The following CLEC11A variants were observed in gnomAD, a reference collection of about 807,000 sequenced individuals.
CLEC11A encodes C-type lectin domain family 11 member A.
A neutral mutation model predicts 33.9 loss-of-function variants in CLEC11A; 35 were observed. The observed-to-expected ratio is 1.03, with a 90% CI of 0.79 to 1.37. CLEC11A has a LOEUF of 1.37. Among genes scored for constraint, CLEC11A ranks in the 40% most tolerant of loss-of-function variants. The probability of loss-of-function intolerance (pLI) is 0.00; values close to 1 mark genes in which losing one functional copy is unlikely to be tolerated. For synonymous variants in CLEC11A, 220 were observed against 202.2 expected, an observed-to-expected ratio of 1.09 and a Z score of -0.75; for missense variants, 519 against 455.5, an observed-to-expected ratio of 1.14 and a Z score of -1.27.
Position 50,723,836 on chromosome 19 carries a change from T to C in CLEC11A, c.148-69T>C. The C allele has an allele frequency of 6.4e-7, 1 of 1,556,166 alleles. No individual in the cohort carries two copies. The highest frequency in any genetic ancestry group is 1.2e-5 in the South Asian group (1 of 83,176). On this transcript the variant is annotated intron_variant, in intron 1 of 3. Coordinates refer to ENST00000250340, the MANE Select transcript of CLEC11A (RefSeq NM_002975.3). This position sits in a 1 kb window ranked among gnomAD's most constrained non-coding sequence, Gnocchi z 4.1. ...GACTCAGGCAGCAGAGAATGAGTTA[T>C]GAGTTGGAAAGGGGTGAATGGGGCA...
In CLEC11A at chr19:50,724,486, C is replaced by G. The variant is rs748370323; in HGVS notation, c.411C>G (p.Val137=). 1.9e-5 allele frequency: 30 copies of G among 1,577,320 alleles called. No homozygotes were observed. Among genetic ancestry groups the G allele is most frequent in the Middle Eastern group, 2.1e-4 (1 of 4,832 alleles). ...VRLHALDTRV[V]ELTQGLRQLR... is the part of the protein sequence containing the mutation. ...TGCACGCGTTGGACACCCGCGTGGT[C>G]GAGCTGACCCAGGGGCTGCGGCAGC... Residue 137 remains valine (V), a synonymous_variant, in exon 3 of 4, where the codon GTC becomes GTG. Transcript: ENST00000250340. This position sits in a 1 kb window ranked among gnomAD's most constrained non-coding sequence, Gnocchi z 4.1.
At position 50,724,377 on chromosome 19, in the gene CLEC11A, T is replaced by A; in HGVS notation, c.335-33T>A. 3 of 1,438,006 alleles carry A rather than the reference T, an allele frequency of 2.1e-6. No homozygotes were observed. Among genetic ancestry groups the A allele is most frequent in the Non-Finnish European group, 2.7e-6 (3 of 1,102,850 alleles). The allele number at this position is 1,438,006 out of a possible 1,614,324, so 89.1% of individuals were successfully genotyped here. On this transcript the variant is annotated intron_variant, in intron 2 of 3. Coordinates refer to ENST00000250340, the MANE Select transcript of CLEC11A (RefSeq NM_002975.3). This position sits in a 1 kb window ranked among gnomAD's most constrained non-coding sequence, Gnocchi z 4.1. ...CAGGCCCCCCGCTGCATCTCCAGGC[T>A]CCCCCTCCAGCATGATCCCTGTCTG...
Position 50,723,442 on chromosome 19 carries a change from G to A in CLEC11A, c.-84G>A. Reference sequence around the variant, plus strand: ...GGCTAGTGACCTGCACACAGGGCAGGGGCACTCGGCAGTTCCCAGAGGCCA... The same window carrying A: ...GGCTAGTGACCTGCACACAGGGCAGAGGCACTCGGCAGTTCCCAGAGGCCA... On this transcript the variant is annotated 5_prime_UTR_variant, in exon 1 of 4. Transcript: ENST00000250340. This position sits in a 1 kb window ranked among gnomAD's most constrained non-coding sequence, Gnocchi z 4.1. 1 of 1,473,088 alleles carries A rather than the reference G, an allele frequency of 6.8e-7. No individual in the cohort carries two copies. Among genetic ancestry groups the A allele is most frequent in the South Asian group, 1.2e-5 (1 of 86,144 alleles). The allele number at this position is 1,473,088 out of a possible 1,614,324, so 91.3% of individuals were successfully genotyped here. A position where few individuals can be genotyped will look rare whatever the true frequency, so the allele number is the denominator to read the frequency against.
chr19:50,724,258 C>A lies in CLEC11A; in HGVS notation c.335-152C>A. 8.0e-7 allele frequency: 1 copy of A among 1,255,344 alleles called. No homozygotes were observed. The highest frequency in any genetic ancestry group is 1.1e-6 in the Non-Finnish European group (1 of 925,146). 77.8% of individuals were successfully genotyped at this position (1,255,344 alleles called of 1,614,324 possible). On this transcript the variant is annotated intron_variant, in intron 2 of 3. Transcript: ENST00000250340. This position sits in a 1 kb window ranked among gnomAD's most constrained non-coding sequence, Gnocchi z 4.1. ...GTCCACGGCCATGCCTCCTAAAGGC[C>A]TGGGCCACTCGACCCTACCTTCCAG...
chr19:50,725,432 C>T lies in CLEC11A; in HGVS notation c.937C>T (p.Arg313Trp). 6.2e-7 allele frequency: 1 copy of T among 1,609,980 alleles called. No homozygotes were observed. The highest frequency in any genetic ancestry group is 8.5e-7 in the Non-Finnish European group (1 of 1,178,438). ...DGSWWDHDCQ[R>W]RLYYVCEFPF ...CTCCTGGTGGGACCACGACTGCCAG[C>T]GGCGTCTCTACTACGTCTGCGAGTT... The change falls in exon 4 of 4, where the codon CGG (arginine) becomes TGG (tryptophan). Residue 313 changes from arginine to tryptophan, a missense_variant. Physicochemically the swap from Arg to Trp is moderately radical, Grantham distance 101. Transcript: ENST00000250340.
chr19:50,724,591 C>T lies in CLEC11A; in HGVS notation c.516C>T (p.Gly172=), dbSNP rs894459307. The change falls in exon 3 of 4, where the codon GGC becomes GGT. Residue 172 remains glycine (G), a synonymous_variant. Coordinates refer to ENST00000250340, the MANE Select transcript of CLEC11A (RefSeq NM_002975.3). This position sits in a 1 kb window ranked among gnomAD's most constrained non-coding sequence, Gnocchi z 4.1. ...AGGGTCGCGCCGAGCGCGAGCACGG[C>T]CGCTTGGAGGGTGAGTCCGCGGCGC... ...EAQGRAEREH[G]RLEGCLKGLR... The T allele has an allele frequency of 3.3e-5, 47 of 1,416,892 alleles. No individual in the cohort carries two copies. Among genetic ancestry groups the T allele is most frequent in the Non-Finnish European group, 4.1e-5 (45 of 1,089,880 alleles). The allele number at this position is 1,416,892 out of a possible 1,614,324, so 87.8% of individuals were successfully genotyped here. A position where few individuals can be genotyped will look rare whatever the true frequency, so the allele number is the denominator to read the frequency against.
Position 50,724,479 on chromosome 19 carries a change from G to A in CLEC11A, c.404G>A (p.Arg135His), listed in dbSNP as rs755068117. ...LHVRLHALDTRVVELTQGLRQ... is the reference protein window; with the variant it reads ...LHVRLHALDTHVVELTQGLRQ... ...GTCCGTCTGCACGCGTTGGACACCCGCGTGGTCGAGCTGACCCAGGGGCTG... is the reference window on the plus strand; with the variant it reads ...GTCCGTCTGCACGCGTTGGACACCCACGTGGTCGAGCTGACCCAGGGGCTG... Residue 135 changes from arginine to histidine, a missense_variant, in exon 3 of 4, where the codon CGC becomes CAC. Coordinates refer to ENST00000250340, the MANE Select transcript of CLEC11A (RefSeq NM_002975.3). The surrounding 1 kb of genome is among the most constrained non-coding windows in gnomAD (Gnocchi z 4.1). 3 of 1,578,176 alleles carry A rather than the reference G, an allele frequency of 1.9e-6. No individual in the cohort carries two copies. The highest frequency in any genetic ancestry group is 8.5e-7 in the Non-Finnish European group (1 of 1,169,768).
Position 50,724,536 on chromosome 19 carries a change from G to A in CLEC11A, c.461G>A (p.Arg154His), listed in dbSNP as rs1200937554. 1.3e-6 allele frequency: 2 copies of A among 1,534,250 alleles called. No individual in the cohort carries two copies. The highest frequency in any genetic ancestry group is 3.9e-5 in the Admixed American group (2 of 51,736). Reference protein sequence around the residue: ...RQLRNAAGDTRDAVQALQEAQ... With the variant: ...RQLRNAAGDTHDAVQALQEAQ... ...CTGCGGAACGCGGCAGGCGACACCC[G>A]CGATGCCGTGCAAGCCCTGCAGGAG... Residue 154 changes from arginine to histidine, a missense_variant, in exon 3 of 4, where the codon CGC becomes CAC. Physicochemically the swap from Arg to His is conservative, Grantham distance 29 (BLOSUM62 0). Coordinates refer to ENST00000250340, the MANE Select transcript of CLEC11A (RefSeq NM_002975.3). The surrounding 1 kb of genome is among the most constrained non-coding windows in gnomAD (Gnocchi z 4.1).
Position 50,725,011 on chromosome 19 carries a change from C to A in CLEC11A, c.527-11C>A. On this transcript the variant is annotated splice_polypyrimidine_tract_variant and intron_variant, in intron 3 of 3. Transcript: ENST00000250340. ...GACCCCGCCTCCTTCTCTACCCGGC[C>A]CCGCCCACAGGCTGCCTGAAGGGGC... 6.8e-7 allele frequency: 1 copy of A among 1,464,794 alleles called. No individual in the cohort carries two copies. Among genetic ancestry groups the A allele is most frequent in the Non-Finnish European group, 9.0e-7 (1 of 1,112,102 alleles). 90.7% of individuals were successfully genotyped at this position (1,464,794 alleles called of 1,614,324 possible).
In CLEC11A at chr19:50,725,047, C is replaced by G. The variant is rs1290396852; in HGVS notation, c.552C>G (p.Gly184=). 2 of 1,510,382 alleles carry G rather than the reference C, an allele frequency of 1.3e-6. No individual in the cohort carries two copies. Among genetic ancestry groups the G allele is most frequent in the Admixed American group, 4.5e-5 (2 of 44,110 alleles). The allele number at this position is 1,510,382 out of a possible 1,614,324, so 93.6% of individuals were successfully genotyped here. Reference sequence around the variant, plus strand: ...GCTGCCTGAAGGGGCTGCGCCTGGGCCACAAGTGCTTCCTGCTCTCGCGCG... The same window carrying G: ...GCTGCCTGAAGGGGCTGCGCCTGGGGCACAAGTGCTTCCTGCTCTCGCGCG... ...LEGCLKGLRL[G]HKCFLLSRDF... Residue 184 remains glycine, a synonymous_variant, in exon 4 of 4, where the codon GGC becomes GGG. Coordinates refer to ENST00000250340, the MANE Select transcript of CLEC11A (RefSeq NM_002975.3).
rs2089167385 is a variant in CLEC11A at position 50,724,477 on chromosome 19, C to A, written c.402C>A (p.Thr134=). 2 of 1,579,024 alleles carry A rather than the reference C, an allele frequency of 1.3e-6. No homozygotes were observed. Among genetic ancestry groups the A allele is most frequent in the East Asian group, 2.3e-5 (1 of 43,172 alleles). Residue 134 remains threonine, a synonymous_variant, in exon 3 of 4, where the codon ACC becomes ACA. Transcript: ENST00000250340. This position sits in a 1 kb window ranked among gnomAD's most constrained non-coding sequence, Gnocchi z 4.1. ...ACGTCCGTCTGCACGCGTTGGACAC[C>A]CGCGTGGTCGAGCTGACCCAGGGGC... ...QLHVRLHALD[T]RVVELTQGLR...
In CLEC11A at chr19:50,724,937, T is replaced by TC; in HGVS notation, c.527-83dup. 2.0e-6 allele frequency: 2 copies of TC among 1,023,862 alleles called. No individual in the cohort carries two copies. Among genetic ancestry groups the TC allele is most frequent in the South Asian group, 2.7e-5 (1 of 37,652 alleles). The allele number at this position is 1,023,862 out of a possible 1,614,324, so 63.4% of individuals were successfully genotyped here. A position where few individuals can be genotyped will look rare whatever the true frequency, so the allele number is the denominator to read the frequency against. On this transcript the variant is annotated intron_variant, in intron 3 of 3. Transcript: ENST00000250340. This position sits in a 1 kb window ranked among gnomAD's most constrained non-coding sequence, Gnocchi z 4.1. The stretch of plus-strand genomic sequence containing the variant: ...CCATGAGTTCCTGGCCCCGCCTCCC[T>TC]CCACCCCCGGATGTTTTGTCCTCGC...
In CLEC11A at chr19:50,724,345, A is replaced by T; in HGVS notation, c.335-65A>T. 1.7e-6 allele frequency: 2 copies of T among 1,156,140 alleles called. No individual in the cohort carries two copies. Among genetic ancestry groups the T allele is most frequent in the Non-Finnish European group, 2.2e-6 (2 of 893,162 alleles). The allele number at this position is 1,156,140 out of a possible 1,614,324, so 71.6% of individuals were successfully genotyped here. A position where few individuals can be genotyped will look rare whatever the true frequency, so the allele number is the denominator to read the frequency against. On this transcript the variant is annotated intron_variant, in intron 2 of 3. Coordinates refer to ENST00000250340, the MANE Select transcript of CLEC11A (RefSeq NM_002975.3). This position sits in a 1 kb window ranked among gnomAD's most constrained non-coding sequence, Gnocchi z 4.1. ...CAGGAGCCCTAGATCCCAGTTCTCC[A>T]GGTCCTCAGGCCCCCCGCTGCATCT... is the stretch of plus-strand genomic sequence containing the variant.
In CLEC11A at chr19:50,725,207, G is replaced by T; in HGVS notation, c.712G>T (p.Val238Leu). The T allele has an allele frequency of 1.3e-6, 2 of 1,593,522 alleles. No homozygotes were observed. The highest frequency in any genetic ancestry group is 1.7e-6 in the Non-Finnish European group (2 of 1,171,230). ...RAALAPYNWP[V>L]WLGVHDRRAE... The stretch of plus-strand genomic sequence containing the variant: ...GGCGCTCGCTCCCTACAACTGGCCC[G>T]TGTGGCTGGGCGTGCACGATCGGCG... The change falls in exon 4 of 4, where the codon GTG (valine) becomes TTG (leucine). Residue 238 changes from valine to leucine, a missense_variant. Physicochemically the swap from Val to Leu is conservative, Grantham distance 32 (BLOSUM62 1). Coordinates refer to ENST00000250340, the MANE Select transcript of CLEC11A (RefSeq NM_002975.3).
rs771124798 is a variant in CLEC11A, at chr19:50,725,433, G to A, written c.938G>A (p.Arg313Gln). The A allele has an allele frequency of 7.5e-6, 12 of 1,610,096 alleles. No homozygotes were observed. In the South Asian group the frequency reaches 1.2e-4, roughly 16 times the overall value. Residue 313 changes from arginine (R) to glutamine (Q), a missense_variant, in exon 4 of 4, where the codon CGG becomes CAG. Coordinates refer to ENST00000250340, the MANE Select transcript of CLEC11A (RefSeq NM_002975.3). Reference sequence around the variant, plus strand: ...TCCTGGTGGGACCACGACTGCCAGCGGCGTCTCTACTACGTCTGCGAGTTC... The same window carrying A: ...TCCTGGTGGGACCACGACTGCCAGCAGCGTCTCTACTACGTCTGCGAGTTC... ...DGSWWDHDCQ[R>Q]RLYYVCEFPF
At position 50,725,192 on chromosome 19, in the gene CLEC11A, C is replaced by G; in HGVS notation, c.697C>G (p.Pro233Ala). The change falls in exon 4 of 4, where the codon CCC (proline) becomes GCC (alanine). Residue 233 changes from proline (P) to alanine (A), a missense_variant. Physicochemically the swap from Pro to Ala is conservative, Grantham distance 27. Transcript: ENST00000250340. ...TCGGTACCTGCGCGCGGCGCTCGCT[C>G]CCTACAACTGGCCCGTGTGGCTGGG... is the stretch of plus-strand genomic sequence containing the variant. ...LTRYLRAALAPYNWPVWLGVH... is the reference protein window; with the variant it reads ...LTRYLRAALAAYNWPVWLGVH... The G allele has an allele frequency of 6.3e-7, 1 of 1,589,402 alleles. No individual in the cohort carries two copies. The highest frequency in any genetic ancestry group is 2.3e-5 in the East Asian group (1 of 43,436).
chr19:50,725,140 A>T lies in CLEC11A; in HGVS notation c.645A>T (p.Ala215=), dbSNP rs779791365. The change falls in exon 4 of 4, where the codon GCA becomes GCT. Residue 215 remains alanine, a synonymous_variant. Coordinates refer to ENST00000250340, the MANE Select transcript of CLEC11A (RefSeq NM_002975.3). ...GGGGCGGGAGCCTGGCGCAGCCGGC[A>T]GACCGCCAGCAGATGGAGGCGCTCA... ...TARGGSLAQP[A]DRQQMEALTR... The T allele has an allele frequency of 6.4e-7, 1 of 1,552,374 alleles. No individual in the cohort carries two copies. The highest frequency in any genetic ancestry group is 1.9e-5 in the Admixed American group (1 of 51,518).
Position 50,725,017 on chromosome 19 carries a change from C to A in CLEC11A, c.527-5C>A. On this transcript the variant is annotated splice_region_variant and splice_polypyrimidine_tract_variant and intron_variant, in intron 3 of 3. Transcript: ENST00000250340. ...GCCTCCTTCTCTACCCGGCCCCGCC[C>A]ACAGGCTGCCTGAAGGGGCTGCGCC... 2 of 1,471,378 alleles carry A rather than the reference C, an allele frequency of 1.4e-6. No individual in the cohort carries two copies. The highest frequency in any genetic ancestry group is 9.0e-7 in the Non-Finnish European group (1 of 1,115,188). 91.1% of individuals were successfully genotyped at this position (1,471,378 alleles called of 1,614,324 possible).
rs950685495 is a variant in CLEC11A at position 50,724,298 on chromosome 19, C to T, written c.335-112C>T. On this transcript the variant is annotated intron_variant, in intron 2 of 3. Transcript: ENST00000250340. The surrounding 1 kb of genome is among the most constrained non-coding windows in gnomAD (Gnocchi z 4.1). ...CTACCTTCCAGGAGTCCGGGGTGCC[C>T]CCCCCACCGCCACCCCGCCCTCAGG... 5 of 1,145,466 alleles carry T rather than the reference C, an allele frequency of 4.4e-6. 1 individual carries two copies. In the African/African-American group the frequency reaches 7.9e-5, roughly 18 times the overall value. The allele number at this position is 1,145,466 out of a possible 1,614,324, so 71.0% of individuals were successfully genotyped here. A position where few individuals can be genotyped will look rare whatever the true frequency, so the allele number is the denominator to read the frequency against.
Sources: gnomAD v4.1 joint callset for allele counts on GRCh38, gnomAD v4.1.1 for gene constraint, Gnocchi (gnomAD v3.1) non-coding constraint, MANE v1.5 for transcripts, NCBI Gene and HGNC (gene_info 2026-07-23, HGNC 2026-07-21) for gene names.